ATP8A1: variants seen among roughly 807,000 people sequenced by gnomAD.
ATP8A1 encodes phospholipid-transporting ATPase IA.
Under a neutral mutation model 177.7 loss-of-function variants are expected in ATP8A1, and 90 were observed. The ratio of observed to expected loss-of-function variants is 0.51; its 90% confidence interval spans 0.43 to 0.60. The LOEUF (loss-of-function observed/expected upper bound fraction) is 0.60. ATP8A1 is among the 20% of genes least tolerant of loss of function. The probability of loss-of-function intolerance (pLI) is 0.00; values close to 1 mark genes in which losing one functional copy is unlikely to be tolerated. For synonymous variants in ATP8A1, 493 were observed against 485.9 expected (o/e 1.01, Z -0.19); for missense variants, 1,072 against 1,392.8 (o/e 0.77, Z 3.67).
chr4:42,632,036 C>G (rs1738791740), intron 1 of ATP8A1, among the ~76,000 whole-genome samples: 1 of 152,178 alleles, frequency 6.6e-6, no homozygotes, highest in African/African-American at 2.4e-5. Flanking sequence ...CATTTGACAT[C>G]CACTAATGGC....
In ATP8A1 at chr4:42,444,588, T is replaced by C; in HGVS notation, c.3005A>G (p.Tyr1002Cys). The C allele has an allele frequency of 3.1e-6, 5 of 1,613,780 alleles. No homozygotes were observed. Among genetic ancestry groups the C allele is most frequent in the East Asian group, 2.2e-5 (1 of 44,852 alleles). ...VCLKAGLETS[Y>C]WTWFSHIAIW... is the part of the protein sequence containing the mutation. ...TAGATATTTTCTTACCCATGTCCAA[T>C]ATGATGTCTCCAATCCAGCTTTCAA... The change falls in exon 32 of 37, where the codon TAT becomes TGT. Residue 1002 changes from tyrosine (Y) to cysteine (C), a missense_variant. Around this residue, in one of 5 missense-constraint regions of ATP8A1, gnomAD observed 316 missense variants for 459.1 expected, o/e 0.69. Coordinates refer to ENST00000381668, the MANE Select transcript of ATP8A1 (RefSeq NM_006095.2).
chr4:42,562,193 C>T (rs1486627000), intron 15 of ATP8A1: 1 of 152,270 alleles, frequency 6.6e-6, no homozygotes, highest in African/African-American at 2.4e-5. Context: ...CTGTGGAATG[C>T]TTCACAAAGG....
intron 9 of ATP8A1, among the ~76,000 whole-genome samples, chr4:42,585,495 GAGCCTCCGCC>G: frequency 6.9e-6 from 1 of 145,320 alleles, no homozygotes. Flanking sequence ...AGAGGTCCGA[GAGCCTCCGCC>G]ATGTGAAGAC....
intron 1 of ATP8A1, among the ~76,000 whole-genome samples, chr4:42,643,583 T>G (rs1740224669): frequency 6.6e-6 from 1 of 152,190 alleles, no homozygotes; most frequent in Non-Finnish European, 1.5e-5. Context: ...CCCCATCATG[T>G]CCACTGATGC....
chr4:42,458,687 T>C (rs1025868752), intron 27 of ATP8A1, among the ~76,000 whole-genome samples: 26 of 152,256 alleles, frequency 1.7e-4, no homozygotes, highest in African/African-American at 6.0e-4. Context: ...AAGCAGTGTT[T>C]GTAGTTTTAA....
chr4:42,560,991 T>C (rs939897222), intron 15 of ATP8A1, among the ~76,000 whole-genome samples: 1 of 152,194 alleles, frequency 6.6e-6, no homozygotes, highest in African/African-American at 2.4e-5. Flanking sequence ...TGTTTATTTA[T>C]AACATGGATA....
chr4:42,547,384 T>C (rs1007203236), intron 19 of ATP8A1, among the ~76,000 whole-genome samples: 2 of 152,194 alleles, frequency 1.3e-5, no homozygotes, highest in African/African-American at 2.4e-5. Flanking sequence ...ATGTCTTTCA[T>C]AGGGACTATT....
In ATP8A1 at chr4:42,549,214, G is replaced by A. The variant is rs551048212; in HGVS notation, c.1603-152C>T. The stretch of plus-strand genomic sequence containing the variant: ...TGGAAGGGAGCTTACTAACTTTTAC[G>A]TAAATTGAGTTACAGGAAACAGAAA... On this transcript the variant is annotated intron_variant, in intron 18 of 36. Transcript: ENST00000381668. 17 of 624,142 alleles carry A rather than the reference G, an allele frequency of 2.7e-5. No individual in the cohort carries two copies. In the South Asian group the frequency reaches 3.0e-4, roughly 11 times the overall value. 38.7% of individuals were successfully genotyped at this position (624,142 alleles called of 1,614,324 possible).
chr4:42,480,913 T>C (rs1286620858), intron 25 of ATP8A1, among the ~76,000 whole-genome samples: 2 of 152,250 alleles, frequency 1.3e-5, no homozygotes, highest in Non-Finnish European at 2.9e-5. Flanking sequence ...ACATAAATTA[T>C]GTAGAACGAT....
intron 25 of ATP8A1, among the ~76,000 whole-genome samples, chr4:42,485,019 G>T (rs1560377466): frequency 1.3e-5 from 2 of 152,148 alleles, no homozygotes. Context: ...ACTCAAAAGA[G>T]ATTTTAATTT....
At chr4:42,426,381 T>C (rs1714620872) in intron 33 of ATP8A1, among the ~76,000 whole-genome samples, 1 of 152,214 alleles carries the variant, frequency 6.6e-6, no homozygotes, top group Admixed American at 6.5e-5. Flanking sequence ...GCTGTGACTC[T>C]TACTCATGGA....
chr4:42,470,164 T>G (rs547777279), intron 25 of ATP8A1, among the ~76,000 whole-genome samples: 264 of 152,366 alleles, frequency 1.7e-3, no homozygotes, highest in African/African-American at 6.2e-3. Flanking sequence ...CGTCCCTTTC[T>G]CTTCCCTGTG....
chr4:42,518,478 G>A (rs964595110), intron 22 of ATP8A1, among the ~76,000 whole-genome samples: 3 of 152,118 alleles, frequency 2.0e-5, no homozygotes, highest in African/African-American at 7.2e-5. Flanking sequence ...GAGCACCCAC[G>A]AGGGCAAGGT....
chr4:42,481,747 A>C (rs1292474288), intron 25 of ATP8A1, among the ~76,000 whole-genome samples: 3 of 152,130 alleles, frequency 2.0e-5, no homozygotes, highest in Non-Finnish European at 4.4e-5. Flanking sequence ...GGCTTCATGA[A>C]ATTTTACATG....
At chr4:42,646,651 A>G (rs778409934) in intron 1 of ATP8A1, among the ~76,000 whole-genome samples, 3 of 152,212 alleles carry the variant, frequency 2.0e-5, no homozygotes, top group Non-Finnish European at 4.4e-5. Flanking sequence ...GGTCTGGCCC[A>G]CTAAAGTGGT....
At chr4:42,611,695 T>G (rs1181390408) in intron 5 of ATP8A1, among the ~76,000 whole-genome samples, 1 of 152,180 alleles carries the variant, frequency 6.6e-6, no homozygotes, top group Non-Finnish European at 1.5e-5. Context: ...TCATGGCATT[T>G]CATAAAAAAC....
At chr4:42,438,544 G>C (rs930523080) in intron 33 of ATP8A1, among the ~76,000 whole-genome samples, 1 of 152,136 alleles carries the variant, frequency 6.6e-6, no homozygotes, top group African/African-American at 2.4e-5. Context: ...GGTTGAGGGA[G>C]TCAGGTGGGT....
intron 19 of ATP8A1, among the ~76,000 whole-genome samples, chr4:42,544,355 T>C (rs192248298): frequency 1.3e-5 from 2 of 152,242 alleles, no homozygotes; most frequent in East Asian, 3.9e-4. Context: ...TTATGAAAAA[T>C]AGAAATATCA....
intron 33 of ATP8A1, among the ~76,000 whole-genome samples, chr4:42,435,742 G>A (rs140163543): frequency 2.6e-5 from 4 of 152,278 alleles, no homozygotes; most frequent in African/African-American, 9.6e-5. Context: ...GCTACTCCTT[G>A]AGCGTGAAAT....
Sources: allele counts gnomAD v4.1 joint callset (sites outside exome capture counted in the v4.1 genomes callset), GRCh38; gene constraint gnomAD v4.1.1; regional missense constraint gnomAD v4.1.1; transcripts MANE v1.5; gene names NCBI Gene and HGNC (gene_info 2026-07-23, HGNC 2026-07-21).